SMARCD3: variants seen among roughly 807,000 people sequenced by gnomAD.
The protein encoded by SMARCD3 is SWI/SNF-related matrix-associated actin-dependent regulator of chromatin subfamily D member 3.
A neutral mutation model predicts 58.0 loss-of-function variants in SMARCD3; 14 were observed. That is an observed-to-expected ratio of 0.24 (90% CI 0.16 to 0.38). SMARCD3 has a LOEUF of 0.38. Among genes scored for constraint, SMARCD3 ranks in the 10% least tolerant of loss-of-function variants. SMARCD3 has a pLI of 1.00. For synonymous variants in SMARCD3, 253 were observed against 253.8 expected (o/e 1.00, Z 0.03); for missense variants, 408 against 636.9 (o/e 0.64, Z 3.87).
chr7:151,240,291 C>CGGGCCCCAG (rs61667463), intron 9 of SMARCD3, 44 bp from the exon 10 acceptor site: 1 of 1,613,164 alleles, frequency 6.2e-7, no homozygotes, highest in African/African-American at 1.3e-5. Context: ...TGCCCCCATA[C>CGGGCCCCAG]GGCCCCAGGG....
At chr7:151,257,971 G>C (rs1021228536) in intron 2 of SMARCD3, among the ~76,000 whole-genome samples, 2 of 152,154 alleles carry the variant, frequency 1.3e-5, no homozygotes, top group African/African-American at 4.8e-5. Flanking sequence ...TCAGTGGACA[G>C]CTCAAACATG....
Position 151,241,841 on chromosome 7 carries a change from G to C in SMARCD3, c.777+36C>G, listed in dbSNP as rs1271990478. 1 of 1,556,866 alleles carries C rather than the reference G, an allele frequency of 6.4e-7. No homozygotes were observed. Among genetic ancestry groups the C allele is most frequent in the Non-Finnish European group, 8.8e-7 (1 of 1,136,572 alleles). On this transcript the variant is annotated intron_variant, in intron 7 of 12. Coordinates refer to ENST00000262188, the MANE Select transcript of SMARCD3 (RefSeq NM_001003801.2). This position sits in a 1 kb window ranked among gnomAD's most constrained non-coding sequence, Gnocchi z 5.3. ...GACCTAGCCCTGCCCTGAGGGCCTT[G>C]TGTGGCGTGTACGGGGCAGCATGGC... is the stretch of plus-strand genomic sequence containing the variant.
chr7:151,252,932 G>A (rs1803575449), upstream of SMARCD3, among the ~76,000 whole-genome samples: 1 of 152,204 alleles, frequency 6.6e-6, no homozygotes, highest in African/African-American at 2.4e-5. Context: ...ATACACGAAA[G>A]AGACAAATGC....
chr7:151,259,351 C>CAAA (rs540959643), intron 2 of SMARCD3, among the ~76,000 whole-genome samples: 2 of 107,090 alleles, frequency 1.9e-5, no homozygotes, highest in African/African-American at 7.1e-5. Flanking sequence ...GACTCTGTCT[C>CAAA]AAAAAAAAAA....
Position 151,239,685 on chromosome 7 carries a change from A to T in SMARCD3, c.1235T>A (p.Phe412Tyr). The part of the protein sequence containing the change: ...LKIQRDFMLS[F>Y]SRDPKGYVQD... The stretch of plus-strand genomic sequence containing the variant: ...GACATAGCCTTTGGGGTCTCTGGAG[A>T]AGCTTAGCATGAAGTCCCTCTGGAT... The change falls in exon 11 of 13, where the codon TTC becomes TAC. Residue 412 changes from phenylalanine (F) to tyrosine (Y), a missense_variant. Coordinates refer to ENST00000262188, the MANE Select transcript of SMARCD3 (RefSeq NM_001003801.2). This position sits in a 1 kb window ranked among gnomAD's most constrained non-coding sequence, Gnocchi z 7.0. The T allele has an allele frequency of 6.2e-7, 1 of 1,613,950 alleles. No homozygotes were observed. The highest frequency in any genetic ancestry group is 8.5e-7 in the Non-Finnish European group (1 of 1,179,960).
At chr7:151,244,980 C>G (rs1270620497) in intron 2 of SMARCD3, among the ~76,000 whole-genome samples, 1 of 152,180 alleles carries the variant, frequency 6.6e-6, no homozygotes, top group Non-Finnish European at 1.5e-5. Flanking sequence ...AGGGCAAATC[C>G]CCAAGCTCCA....
rs1227199574 is a variant in SMARCD3, at chr7:151,245,605, G to A, written c.145C>T (p.Pro49Ser). 1 of 1,180,626 alleles carries A rather than the reference G, an allele frequency of 8.5e-7. No individual in the cohort carries two copies. The highest frequency in any genetic ancestry group is 3.2e-5 in the East Asian group (1 of 31,350). The allele number at this position is 1,180,626 out of a possible 1,614,324, so 73.1% of individuals were successfully genotyped here. ...CGCACGGCGGGGCTGCCCATGTACG[G>A]GGAGCCCGGGGGGCCCATGGGCGCC... ...QGAPMGPPGS[P>S]YMGSPAVRPG... is the part of the protein sequence containing the mutation. The change falls in exon 2 of 13, where the codon CCG (proline) becomes TCG (serine). Residue 49 changes from proline to serine, a missense_variant. Pro to Ser is a moderately conservative substitution (Grantham distance 74). Transcript: ENST00000262188. The surrounding 1 kb of genome is among the most constrained non-coding windows in gnomAD (Gnocchi z 6.2).
chr7:151,242,994 T>C lies in SMARCD3; in HGVS notation c.334-151A>G. The C allele has an allele frequency of 1.2e-6, 1 of 840,978 alleles. No homozygotes were observed. Among genetic ancestry groups the C allele is most frequent in the Non-Finnish European group, 1.8e-6 (1 of 548,754 alleles). 52.1% of individuals were successfully genotyped at this position (840,978 alleles called of 1,614,324 possible). A position where few individuals can be genotyped will look rare whatever the true frequency, so the allele number is the denominator to read the frequency against. On this transcript the variant is annotated intron_variant, in intron 3 of 12. Coordinates refer to ENST00000262188, the MANE Select transcript of SMARCD3 (RefSeq NM_001003801.2). This position sits in a 1 kb window ranked among gnomAD's most constrained non-coding sequence, Gnocchi z 4.7. ...TAGCTTTGACAGTGGGAACAGGACC[T>C]CTCCCCAGGATGCCATTATCCAGCA...
chr7:151,267,420 T>C lies in SMARCD3; in HGVS notation c.39+7694A>G, dbSNP rs189074302. Among the ~76,000 whole-genome samples, 52 of 152,340 alleles carry C rather than the reference T, an allele frequency of 3.4e-4. 1 individual carries two copies. The highest frequency in any genetic ancestry group is 6.2e-4 in the Non-Finnish European group (42 of 68,034). On this transcript the variant is annotated intron_variant, in intron 2 of 13. Transcript: ENST00000356800. The stretch of plus-strand genomic sequence containing the variant: ...TTCTGATCATAAGGTCCGTGTTCTT[T>C]CTGAGTCACTATCTGACTGCTCCCC...
At chr7:151,274,027 A>G (rs574963286) in intron 2 of SMARCD3, among the ~76,000 whole-genome samples, 1 of 152,338 alleles carries the variant, frequency 6.6e-6, no homozygotes, top group Admixed American at 6.5e-5. Context: ...GGCCTCCCCG[A>G]GCCTCAGGCT....
intron 2 of SMARCD3, among the ~76,000 whole-genome samples, chr7:151,253,722 C>T (rs1025119978): frequency 6.6e-6 from 1 of 152,166 alleles, no homozygotes; most frequent in Non-Finnish European, 1.5e-5. Context: ...AAACGTGCCA[C>T]ACAGGCCTGG....
rs142329291 is a variant in SMARCD3, at chr7:151,273,360, C to T, written c.39+1754G>A. Among the ~76,000 whole-genome samples the T allele has an allele frequency of 1.9e-3, 290 of 152,302 alleles. 1 individual carries two copies. The highest frequency in any genetic ancestry group is 0.01 in the Middle Eastern group (3 of 294). On this transcript the variant is annotated intron_variant, in intron 2 of 13. Coordinates refer to the SMARCD3 transcript ENST00000356800. The stretch of plus-strand genomic sequence containing the variant: ...GTCTGGAACAGCCCAAGGCTCCCTC[C>T]GACTGCTGCTGGGGAGCCCCTTAGG...
At chr7:151,251,308 C>T (rs1030545769), upstream of SMARCD3, among the ~76,000 whole-genome samples, 2 of 152,186 alleles carry the variant, frequency 1.3e-5, no homozygotes, top group African/African-American at 4.8e-5. Context: ...CTTGCACACA[C>T]ACCCTCCCAA....
At chr7:151,270,368 AT>A (rs1488187065) in intron 2 of SMARCD3, among the ~76,000 whole-genome samples, 1 of 152,188 alleles carries the variant, frequency 6.6e-6, no homozygotes, top group African/African-American at 2.4e-5. Flanking sequence ...TCTGGGGCTC[AT>A]TTTAGAATCA....
chr7:151,240,470 G>T lies in SMARCD3; in HGVS notation c.992C>A (p.Ala331Asp). The change falls in exon 9 of 13, where the codon GCC becomes GAC. Residue 331 changes from alanine to aspartate, a missense_variant. Physicochemically the swap from Ala to Asp is moderately radical, Grantham distance 126. Around this residue, in one of 4 missense-constraint regions of SMARCD3, gnomAD observed 115 missense variants for 257.2 expected, o/e 0.45. Transcript: ENST00000262188. Reference sequence around the variant, plus strand: ...AATTGGGTCAGGGGGCAATAGCAGGGCTGTGAGGCGCTGGGGAATCTCAGA... The same window carrying T: ...AATTGGGTCAGGGGGCAATAGCAGGTCTGTGAGGCGCTGGGGAATCTCAGA... ...KFSEIPQRLT[A>D]LLLPPDPIVI... 1 of 1,613,946 alleles carries T rather than the reference G, an allele frequency of 6.2e-7. No homozygotes were observed. The highest frequency in any genetic ancestry group is 8.5e-7 in the Non-Finnish European group (1 of 1,180,004).
At chr7:151,271,934 G>A (rs1162941434) in intron 2 of SMARCD3, among the ~76,000 whole-genome samples, 1 of 152,194 alleles carries the variant, frequency 6.6e-6, no homozygotes, top group Non-Finnish European at 1.5e-5. Context: ...ACTCCAGCCT[G>A]AGCAACAGCG....
chr7:151,274,194 C>T (rs1450164837), intron 2 of SMARCD3, among the ~76,000 whole-genome samples: 9 of 152,242 alleles, frequency 5.9e-5, no homozygotes, highest in African/African-American at 2.2e-4. Flanking sequence ...GCTCCACATA[C>T]CTTGAGGCCC....
At chr7:151,255,338 G>A (rs1803665880) in intron 2 of SMARCD3, among the ~76,000 whole-genome samples, 1 of 152,196 alleles carries the variant, frequency 6.6e-6, no homozygotes, top group Admixed American at 6.5e-5. Flanking sequence ...GCAGATGCCA[G>A]GCTCCCTTCC....
intron 2 of SMARCD3, among the ~76,000 whole-genome samples, chr7:151,273,469 GCCTC>G (rs1795240140): frequency 6.6e-6 from 1 of 152,218 alleles, no homozygotes; most frequent in Non-Finnish European, 1.5e-5. Flanking sequence ...AAGCTTAGCT[GCCTC>G]CCATCAGCCT....
Sources: gnomAD v4.1 joint callset for allele counts (sites outside exome capture counted in the v4.1 genomes callset) on GRCh38, gnomAD v4.1.1 for gene constraint, gnomAD v4.1.1 regional missense constraint, Gnocchi (gnomAD v3.1) non-coding constraint, MANE v1.5 for transcripts, NCBI Gene and HGNC (gene_info 2026-07-23, HGNC 2026-07-21) for gene names.